Variants in PTPRD observed in about 807,000 individuals in gnomAD.
The protein encoded by PTPRD is protein tyrosine phosphatase receptor type D, also known as receptor-type tyrosine-protein phosphatase delta.
A neutral mutation model predicts 214.5 loss-of-function variants in PTPRD; 34 were observed. That is an observed-to-expected ratio of 0.16 (90% CI 0.12 to 0.21). The LOEUF (loss-of-function observed/expected upper bound fraction) is 0.21. PTPRD is among the 10% of genes least tolerant of loss of function. PTPRD has a pLI of 1.00. For missense variants in PTPRD, 2,545 were observed against 2,398.7 expected (o/e 1.06, Z -1.27); for synonymous variants, 1,128 against 845.7 (o/e 1.33, Z -5.79).
intron 15 of PTPRD, 103 bp downstream of exon 15, chr9:8,528,488 A>G (rs1354358967): frequency 1.9e-6 from 2 of 1,033,782 alleles, no homozygotes; most frequent in African/African-American, 1.6e-5. Context: ...GAGAAAAATC[A>G]GTACCTAGAA....
intron 3 of PTPRD, among the ~76,000 whole-genome samples, chr9:10,323,431 A>G (rs1307755375): frequency 1.3e-5 from 2 of 150,640 alleles, no homozygotes; most frequent in Non-Finnish European, 1.5e-5. Context: ...AGTAGCTTGG[A>G]CTGCAGGTGC....
At chr9:9,321,452 G>A (rs950030181) in intron 9 of PTPRD, among the ~76,000 whole-genome samples, 5 of 151,858 alleles carry the variant, frequency 3.3e-5, no homozygotes, top group Admixed American at 2.0e-4. Flanking sequence ...CTACTAGGGA[G>A]GCTGAGGCAA....
intron 35 of PTPRD, among the ~76,000 whole-genome samples, chr9:8,422,645 C>T (rs1417219521): frequency 6.6e-6 from 1 of 152,082 alleles, no homozygotes; most frequent in Non-Finnish European, 1.5e-5. Context: ...AAACTTAAAC[C>T]TCTAAAATTT....
intron 35 of PTPRD, among the ~76,000 whole-genome samples, chr9:8,423,103 T>C (rs1050364511): frequency 3.9e-5 from 6 of 152,152 alleles, no homozygotes; most frequent in African/African-American, 1.4e-4. Context: ...ATCTGAACGT[T>C]ATTACATTTA....
intron 11 of PTPRD, among the ~76,000 whole-genome samples, chr9:8,985,005 G>C (rs1184583418): frequency 6.6e-6 from 1 of 151,960 alleles, no homozygotes; most frequent in East Asian, 1.9e-4. Context: ...ATTTACTTTT[G>C]ATCCATTTAA....
intron 44 of PTPRD, among the ~76,000 whole-genome samples, chr9:8,321,487 GTATATATATATATATATATATA>G (rs750825729): frequency 2.0e-4 from 9 of 44,554 alleles, no homozygotes; most frequent in South Asian, 1.0e-3. Flanking sequence ...GTGTGTGTGT[GTATATATATATATATATATATA>G]TATATATATA....
chr9:8,916,521 T>G (rs1271140443), intron 11 of PTPRD, among the ~76,000 whole-genome samples: 2 of 152,146 alleles, frequency 1.3e-5, no homozygotes, highest in African/African-American at 4.8e-5. Context: ...GACGATGAAC[T>G]GGAGGTAGTG....
At chr9:9,549,524 A>G (rs1326027109) in intron 8 of PTPRD, among the ~76,000 whole-genome samples, 1 of 152,164 alleles carries the variant, frequency 6.6e-6, no homozygotes, top group African/African-American at 2.4e-5. Context: ...TGATCTCATT[A>G]ACTGCTGGTG....
chr9:9,180,771 A>T (rs2099927744), intron 10 of PTPRD, among the ~76,000 whole-genome samples: 1 of 152,056 alleles, frequency 6.6e-6, no homozygotes, highest in Non-Finnish European at 1.5e-5. Context: ...ACAATTTAGG[A>T]AATACTGATG....
chr9:10,378,455 T>A (rs2097768113), intron 2 of PTPRD, among the ~76,000 whole-genome samples: 1 of 152,036 alleles, frequency 6.6e-6, no homozygotes, highest in Non-Finnish European at 1.5e-5. Flanking sequence ...GGTCTTAAGT[T>A]TAAGTCTTTA....
intron 2 of PTPRD, among the ~76,000 whole-genome samples, chr9:10,590,590 TTC>T (rs1321957645): frequency 6.6e-6 from 1 of 152,048 alleles, no homozygotes; most frequent in Admixed American, 6.6e-5. Flanking sequence ...TGTCTCTGGC[TTC>T]TTTTTGTAAA....
intron 44 of PTPRD, among the ~76,000 whole-genome samples, chr9:8,322,633 CCATAA>C (rs1274309736): frequency 1.3e-5 from 2 of 152,076 alleles, no homozygotes; most frequent in Non-Finnish European, 2.9e-5. Context: ...GAAGCCAACC[CCATAA>C]CATAAAAGTG....
intron 7 of PTPRD, among the ~76,000 whole-genome samples, chr9:9,724,980 C>T (rs1323270580): frequency 6.6e-6 from 1 of 152,130 alleles, no homozygotes; most frequent in Non-Finnish European, 1.5e-5. Flanking sequence ...TATTTGGTGT[C>T]CCTTCCTGCA....
chr9:10,501,246 G>A (rs2043616731), intron 2 of PTPRD, among the ~76,000 whole-genome samples: 1 of 151,990 alleles, frequency 6.6e-6, no homozygotes. Context: ...ACTGGGGTGA[G>A]ATGATATCTC....
At chr9:8,662,929 A>G (rs2097093708) in intron 12 of PTPRD, among the ~76,000 whole-genome samples, 1 of 152,186 alleles carries the variant, frequency 6.6e-6, no homozygotes, top group South Asian at 2.1e-4. Context: ...CATATTATCT[A>G]AAGTCAGTAG....
intron 11 of PTPRD, among the ~76,000 whole-genome samples, chr9:8,753,661 G>A (rs892827429): frequency 3.9e-5 from 6 of 152,076 alleles, no homozygotes; most frequent in African/African-American, 1.2e-4. Flanking sequence ...ATCAATATAA[G>A]AAACCAACTG....
intron 2 of PTPRD, among the ~76,000 whole-genome samples, chr9:10,378,435 T>C (rs572671998): frequency 1.3e-5 from 2 of 152,186 alleles, no homozygotes; most frequent in African/African-American, 4.8e-5. Context: ...GTAGTAGTTT[T>C]ATAGTTTGAG....
At chr9:8,789,577 C>T (rs2096137752) in intron 11 of PTPRD, among the ~76,000 whole-genome samples, 1 of 152,040 alleles carries the variant, frequency 6.6e-6, no homozygotes, top group Non-Finnish European at 1.5e-5. Flanking sequence ...AGTTTAAATT[C>T]CGTTATTGGC....
chr9:9,836,755 A>G (rs1231019191), intron 5 of PTPRD, among the ~76,000 whole-genome samples: 7 of 152,154 alleles, frequency 4.6e-5, no homozygotes, highest in African/African-American at 1.7e-4. Context: ...TCTATAAAAT[A>G]AGGAAGAAAA....
Sources: allele counts gnomAD v4.1 joint callset (sites outside exome capture counted in the v4.1 genomes callset), GRCh38; gene constraint gnomAD v4.1.1; transcripts MANE v1.5; gene names NCBI Gene and HGNC (gene_info 2026-07-23, HGNC 2026-07-21).